Variants in CTNNA3 observed in about 807,000 individuals in gnomAD.
CTNNA3 encodes catenin alpha-3.
In CTNNA3, 76 loss-of-function variants were observed where a neutral mutation model predicts 95.7. The ratio of observed to expected loss-of-function variants is 0.79; its 90% CI spans 0.66 to 0.96. The LOEUF (loss-of-function observed/expected upper bound fraction) is 0.96, where lower values mean the gene tolerates loss of function less well. Among genes scored for constraint, CTNNA3 ranks in the 40% least tolerant of loss-of-function variants. CTNNA3 has a pLI of 0.00. For synonymous variants in CTNNA3, 431 were observed against 374.4 expected (o/e 1.15, Z -1.74); for missense variants, 1,191 against 1,089.8 (o/e 1.09, Z -1.31).
intron 13 of CTNNA3, among the ~76,000 whole-genome samples, chr10:66,158,952 C>T (rs1274046472): frequency 1.3e-5 from 2 of 151,852 alleles, no homozygotes; most frequent in Non-Finnish European, 2.9e-5. Context: ...TGATTTGATG[C>T]TCTGCTTGGT....
At position 67,147,271 on chromosome 10, in the gene CTNNA3, CCAGA is replaced by C. The variant is rs573791800; in HGVS notation, c.1047+33042_1047+33045del. The stretch of plus-strand genomic sequence containing the variant: ...ATAGCCTGAAGTTTTAAGTTCTGGA[CCAGA>C]CAACTTGGTGAACTTTTACAAGTTA... On this transcript the variant is annotated intron_variant, in intron 7 of 17. Coordinates refer to ENST00000433211, the MANE Select transcript of CTNNA3 (RefSeq NM_013266.4). 2.5e-3 allele frequency among the ~76,000 whole-genome samples: 374 copies of C among 152,250 alleles called. 1 individual carries two copies. The highest frequency in any genetic ancestry group is 9.8e-3 in the South Asian group (47 of 4,818).
intron 13 of CTNNA3, among the ~76,000 whole-genome samples, chr10:66,123,624 C>G (rs569604411): frequency 1.2e-4 from 19 of 152,188 alleles, no homozygotes; most frequent in Non-Finnish European, 2.8e-4. Context: ...CAGAGGTTCT[C>G]CATGGGATCC....
At chr10:66,895,010 T>C (rs1330739528) in intron 7 of CTNNA3, among the ~76,000 whole-genome samples, 1 of 142,908 alleles carries the variant, frequency 7.0e-6, no homozygotes, top group African/African-American at 2.6e-5. Context: ...TATATATAAT[T>C]GTGCCATTGG....
chr10:66,214,983 CTAGA>C (rs1052573586), intron 13 of CTNNA3, among the ~76,000 whole-genome samples: 9 of 151,494 alleles, frequency 5.9e-5, no homozygotes, highest in Admixed American at 1.3e-4. Flanking sequence ...AGGTTGATGA[CTAGA>C]TAGATAGATA....
intron 10 of CTNNA3, among the ~76,000 whole-genome samples, chr10:66,562,945 A>C (rs1457555144): frequency 6.6e-6 from 1 of 152,066 alleles, no homozygotes; most frequent in Non-Finnish European, 1.5e-5. Context: ...ACATTAAAAT[A>C]ATTTTTCGTG....
At chr10:66,566,582 T>A (rs1227850112) in intron 10 of CTNNA3, among the ~76,000 whole-genome samples, 2 of 139,508 alleles carry the variant, frequency 1.4e-5, no homozygotes, top group African/African-American at 5.0e-5. Context: ...TTTTGACTAG[T>A]TGACACATGG....
chr10:66,984,622 TTAGAG>T (rs1850626418), intron 7 of CTNNA3, among the ~76,000 whole-genome samples: 1 of 152,168 alleles, frequency 6.6e-6, no homozygotes, highest in Non-Finnish European at 1.5e-5. Flanking sequence ...TTTAATATTA[TTAGAG>T]TAAATAGTAA....
chr10:66,945,331 C>G (rs1382721394), intron 7 of CTNNA3, among the ~76,000 whole-genome samples: 1 of 152,188 alleles, frequency 6.6e-6, no homozygotes, highest in Non-Finnish European at 1.5e-5. Flanking sequence ...TTACTTTGCA[C>G]TTTTATGTTA....
intron 14 of CTNNA3, among the ~76,000 whole-genome samples, chr10:66,089,951 C>T (rs186182713): frequency 1.3e-5 from 2 of 151,952 alleles, no homozygotes; most frequent in Non-Finnish European, 2.9e-5. Context: ...CCTTATAACA[C>T]CATTTTATAT....
rs77646741 is a variant in CTNNA3 at position 67,039,357 on chromosome 10, T to G, written c.1047+140960A>C. 0.01 allele frequency among the ~76,000 whole-genome samples: 1,571 copies of G among 152,300 alleles called. 65 individuals are homozygous for G. In the East Asian group the frequency reaches 0.14, roughly 14 times the overall value. On this transcript the variant is annotated intron_variant, in intron 7 of 17. Transcript: ENST00000433211. ...GTTATTTATTCTAAGAAGTTTTTTC[T>G]GGAGACAAACATTTCCCTGTGCAGC...
intron 6 of CTNNA3, among the ~76,000 whole-genome samples, chr10:67,199,733 T>C (rs979270414): frequency 3.3e-5 from 5 of 152,068 alleles, no homozygotes; most frequent in African/African-American, 1.2e-4. Context: ...CTTTGGCAAA[T>C]GGGATGCAAA....
At chr10:66,049,961 A>C (rs1252218759) in intron 15 of CTNNA3, among the ~76,000 whole-genome samples, 4 of 152,170 alleles carry the variant, frequency 2.6e-5, no homozygotes, top group Non-Finnish European at 4.4e-5. Context: ...TTTTAAGGCC[A>C]AAAAAGTGTA....
intron 10 of CTNNA3, 66 bp downstream of exon 10, chr10:66,621,626 C>A (rs879107264): frequency 4.6e-6 from 4 of 871,434 alleles, no homozygotes; most frequent in East Asian, 2.8e-5. Flanking sequence ...AGTGTATTTT[C>A]ATATGCATAA....
At chr10:66,089,772 A>G (rs983285831) in intron 14 of CTNNA3, among the ~76,000 whole-genome samples, 1 of 151,450 alleles carries the variant, frequency 6.6e-6, no homozygotes, top group Non-Finnish European at 1.5e-5. Flanking sequence ...ATATATATAT[A>G]TATTACTAAA....
chr10:66,538,994 A>G lies in CTNNA3; in HGVS notation c.1375-18221T>C, dbSNP rs190224312. Among the ~76,000 whole-genome samples, 75 of 152,290 alleles carry G rather than the reference A, an allele frequency of 4.9e-4. 2 individuals carry two copies. The highest frequency in any genetic ancestry group is 1.7e-3 in the African/African-American group (69 of 41,574). On this transcript the variant is annotated intron_variant, in intron 10 of 17. Coordinates refer to ENST00000433211, the MANE Select transcript of CTNNA3 (RefSeq NM_013266.4). Reference sequence around the variant, plus strand: ...ACCTAACCTGTAGAACTTCCGTTCAAGTAATATGGTGTATGTTAAATGACT... The same window carrying G: ...ACCTAACCTGTAGAACTTCCGTTCAGGTAATATGGTGTATGTTAAATGACT...
chr10:67,363,529 C>A (rs1404125427), intron 5 of CTNNA3, among the ~76,000 whole-genome samples: 1 of 151,858 alleles, frequency 6.6e-6, no homozygotes, highest in Non-Finnish European at 1.5e-5. Context: ...AATCCAGGAG[C>A]TGGTTTTTTC....
intron 9 of CTNNA3, among the ~76,000 whole-genome samples, chr10:66,690,180 T>C (rs1179622534): frequency 1.3e-5 from 2 of 152,172 alleles, no homozygotes; most frequent in Admixed American, 1.3e-4. Flanking sequence ...GGGTATATGT[T>C]GAATGAAGGT....
intron 6 of CTNNA3, among the ~76,000 whole-genome samples, chr10:67,197,784 T>C (rs982403296): frequency 6.6e-6 from 1 of 152,164 alleles, no homozygotes; most frequent in Non-Finnish European, 1.5e-5. Context: ...CAAATGTTTC[T>C]AAGTCATTTT....
intron 11 of CTNNA3, among the ~76,000 whole-genome samples, chr10:66,442,685 G>A (rs2093383826): frequency 6.6e-6 from 1 of 152,186 alleles, no homozygotes; most frequent in Admixed American, 6.5e-5. Context: ...GTGGAGCCAA[G>A]ATGGCCGAAT....
Sources: allele counts gnomAD v4.1 joint callset (sites outside exome capture counted in the v4.1 genomes callset), GRCh38; gene constraint gnomAD v4.1.1; transcripts MANE v1.5; gene names NCBI Gene and HGNC (gene_info 2026-07-23, HGNC 2026-07-21).